The following ZC3H3 variants were observed in gnomAD, a reference collection of about 807,000 sequenced individuals.
The protein encoded by ZC3H3 is zinc finger CCCH domain-containing protein 3.
In ZC3H3, 36 loss-of-function variants were observed where a neutral mutation model predicts 77.3. The observed-to-expected ratio is 0.47, with a 90% CI of 0.36 to 0.61. ZC3H3 has a LOEUF of 0.61. ZC3H3 is among the 20% of genes least tolerant of loss of function. The pLI, the probability that ZC3H3 is intolerant of heterozygous loss-of-function variation, is 0.00. For missense variants in ZC3H3, 1,331 were observed against 1,312.2 expected (o/e 1.01, Z -0.22); for synonymous variants, 626 against 555.2 (o/e 1.13, Z -1.79).
At chr8:143,468,706 G>T (rs759492968) in intron 5 of ZC3H3, 47 bp from the exon 6 acceptor site, 2 of 1,526,570 alleles carry the variant, frequency 1.3e-6, no homozygotes, top group African/African-American at 2.8e-5. Flanking sequence ...AGCCTGGCCC[G>T]CACGCCCTTT....
chr8:143,525,503 C>T (rs1034478223), intron 3 of ZC3H3, among the ~76,000 whole-genome samples: 31 of 152,220 alleles, frequency 2.0e-4, no homozygotes, highest in Non-Finnish European at 3.4e-4. Context: ...CCCCACAGCA[C>T]GAAAGGGAGA....
chr8:143,510,203 G>C (rs1821829753), intron 3 of ZC3H3, among the ~76,000 whole-genome samples: 1 of 152,208 alleles, frequency 6.6e-6, no homozygotes, highest in South Asian at 2.1e-4. Context: ...GCCCACTCAG[G>C]CTGGGCAGGT....
intron 9 of ZC3H3, among the ~76,000 whole-genome samples, chr8:143,454,463 C>T (rs1391149109): frequency 6.8e-6 from 1 of 147,916 alleles, no homozygotes; most frequent in Non-Finnish European, 1.5e-5. Flanking sequence ...TGCAGTGGCG[C>T]AGTCTCGGCT....
In ZC3H3 at chr8:143,538,512, C is replaced by T. The variant is rs377295869; in HGVS notation, c.855G>A (p.Pro285=). 8.4e-5 allele frequency: 135 copies of T among 1,612,428 alleles called. No individual in the cohort carries two copies. The highest frequency in any genetic ancestry group is 1.0e-4 in the Non-Finnish European group (119 of 1,180,036). Reference sequence around the variant, plus strand: ...CCCGGGCCTGCCTGGGTCCTGAGGCCGGTCTGGCGGGGCCCCCCACTGAGC... The same window carrying T: ...CCCGGGCCTGCCTGGGTCCTGAGGCTGGTCTGGCGGGGCCCCCCACTGAGC... The part of the protein sequence containing the change: ...PSGSVGGPAR[P]ASGPRQAREA... The change falls in exon 2 of 12, where the codon CCG becomes CCA. Residue 285 remains proline (P), a synonymous_variant. Coordinates refer to ENST00000262577, the MANE Select transcript of ZC3H3 (RefSeq NM_015117.3).
chr8:143,439,211 C>T (rs1819660253), intron 11 of ZC3H3, among the ~76,000 whole-genome samples: 1 of 152,006 alleles, frequency 6.6e-6, no homozygotes, highest in African/African-American at 2.4e-5. Context: ...TCTCGTGGGG[C>T]GGAGGGTCTG....
intron 3 of ZC3H3, among the ~76,000 whole-genome samples, chr8:143,517,973 G>A (rs939094347): frequency 8.5e-5 from 13 of 152,204 alleles, no homozygotes; most frequent in Admixed American, 3.3e-4. Context: ...AGTGAGGCAC[G>A]GCCAAGCCCC....
intron 3 of ZC3H3, among the ~76,000 whole-genome samples, chr8:143,525,268 C>G (rs1194692023): frequency 6.6e-6 from 1 of 152,250 alleles, no homozygotes; most frequent in Non-Finnish European, 1.5e-5. Context: ...GTGAAAGCTC[C>G]TGACAGCAGG....
rs1249046065 is a variant in ZC3H3 at position 143,494,456 on chromosome 8, G to A, written c.1715+13290C>T. Among the ~76,000 whole-genome samples, 1 of 152,156 alleles carries A rather than the reference G, an allele frequency of 6.6e-6. No individual in the cohort carries two copies. Among genetic ancestry groups the A allele is most frequent in the Non-Finnish European group, 1.5e-5 (1 of 68,022 alleles). ...CTCCGGCAGATGACCCCCGAGGGGT[G>A]AGCACAGGACCTCACCCCACAGTGC... On this transcript the variant is annotated intron_variant, in intron 4 of 11. Coordinates refer to ENST00000262577, the MANE Select transcript of ZC3H3 (RefSeq NM_015117.3). The surrounding 1 kb of genome is among the most constrained non-coding windows in gnomAD (Gnocchi z 5.3).
rs570255882 is a variant in ZC3H3 at position 143,450,475 on chromosome 8, CCA to C, written c.2308-9357_2308-9356del. Among the ~76,000 whole-genome samples, 70 of 152,262 alleles carry C rather than the reference CCA, an allele frequency of 4.6e-4. 1 individual carries two copies. In the South Asian group the frequency reaches 9.0e-3, roughly 19 times the overall value. The stretch of plus-strand genomic sequence containing the variant: ...GGATTACAGGTGTGAGCCACTGCAC[CCA>C]GTCAAGACTGGGTAATTTATGAAGA... On this transcript the variant is annotated intron_variant, in intron 9 of 11. Transcript: ENST00000262577.
At chr8:143,531,994 T>C (rs1356193495) in intron 3 of ZC3H3, among the ~76,000 whole-genome samples, 2 of 152,266 alleles carry the variant, frequency 1.3e-5, no homozygotes, top group African/African-American at 2.4e-5. Flanking sequence ...CCAGGGAAAT[T>C]GATTGAACGC....
At chr8:143,526,341 T>C (rs1822412066) in intron 3 of ZC3H3, among the ~76,000 whole-genome samples, 1 of 152,112 alleles carries the variant, frequency 6.6e-6, no homozygotes, top group Non-Finnish European at 1.5e-5. Context: ...TTCTGGAGAA[T>C]GAGTGGCAGG....
intron 3 of ZC3H3, among the ~76,000 whole-genome samples, chr8:143,512,282 C>T (rs1821893563): frequency 6.6e-6 from 1 of 152,266 alleles, no homozygotes; most frequent in Non-Finnish European, 1.5e-5. Context: ...CTGAAGATTC[C>T]ACCTTCTTTG....
At chr8:143,475,152 C>T (rs894986552) in intron 5 of ZC3H3, among the ~76,000 whole-genome samples, 3 of 152,194 alleles carry the variant, frequency 2.0e-5, no homozygotes, top group Non-Finnish European at 2.9e-5. Flanking sequence ...GGGATGGCTA[C>T]GAAGGCGCCG....
chr8:143,533,838 G>A lies in ZC3H3; in HGVS notation c.1561+2419C>T, dbSNP rs1222042552. 6.6e-6 allele frequency among the ~76,000 whole-genome samples: 1 copy of A among 152,076 alleles called. No homozygotes were observed. The highest frequency in any genetic ancestry group is 1.5e-5 in the Non-Finnish European group (1 of 68,018). On this transcript the variant is annotated intron_variant, in intron 3 of 11. Coordinates refer to ENST00000262577, the MANE Select transcript of ZC3H3 (RefSeq NM_015117.3). This position sits in a 1 kb window ranked among gnomAD's most constrained non-coding sequence, Gnocchi z 4.0. ...TTACAGACGCTCGCCACCACACCCA[G>A]CTAATTTTTGTATTTTTAGTAGAGA...
At chr8:143,445,082 T>C (rs1819832521) in intron 9 of ZC3H3, among the ~76,000 whole-genome samples, 1 of 152,174 alleles carries the variant, frequency 6.6e-6, no homozygotes, top group Non-Finnish European at 1.5e-5. Context: ...GGAATAAATC[T>C]AACAAAACCT....
chr8:143,485,464 C>T (rs1000830693), intron 4 of ZC3H3, among the ~76,000 whole-genome samples: 1 of 152,184 alleles, frequency 6.6e-6, no homozygotes, highest in Non-Finnish European at 1.5e-5. Flanking sequence ...CTGAGTGGGT[C>T]AGGATCTCAT....
intron 9 of ZC3H3, among the ~76,000 whole-genome samples, chr8:143,448,400 G>A (rs1322426693): frequency 1.3e-5 from 2 of 152,176 alleles, no homozygotes; most frequent in Non-Finnish European, 2.9e-5. Context: ...GGAGGCATAG[G>A]TATTGGGTAA....
At chr8:143,441,927 GGACTAAGC>G (rs771756661) in intron 9 of ZC3H3, among the ~76,000 whole-genome samples, 96 of 152,310 alleles carry the variant, frequency 6.3e-4, no homozygotes, top group Non-Finnish European at 1.1e-3. Flanking sequence ...GCTCTTCATG[GGACTAAGC>G]GACAGGCGTC....
At chr8:143,522,799 C>T (rs562056605) in intron 3 of ZC3H3, among the ~76,000 whole-genome samples, 5 of 152,234 alleles carry the variant, frequency 3.3e-5, no homozygotes, top group Non-Finnish European at 5.9e-5. Context: ...GTGGCGCACA[C>T]CTGTAGTCCC....
Sources: gnomAD v4.1 joint callset for allele counts (sites outside exome capture counted in the v4.1 genomes callset) on GRCh38, gnomAD v4.1.1 for gene constraint, Gnocchi (gnomAD v3.1) non-coding constraint, MANE v1.5 for transcripts, NCBI Gene and HGNC (gene_info 2026-07-23, HGNC 2026-07-21) for gene names.